MTSS1: variants seen among roughly 807,000 people sequenced by gnomAD.
MTSS1 encodes MTSS I-BAR domain containing 1, also known as protein MTSS 1.
In MTSS1, 18 loss-of-function variants were observed where a neutral mutation model predicts 79.0. The ratio of observed to expected loss-of-function variants is 0.23; its 90% CI spans 0.16 to 0.34. The LOEUF is 0.34. MTSS1 is among the 10% of genes least tolerant of loss of function. The pLI is 1.00. For missense variants in MTSS1, 815 were observed against 986.2 expected, an observed-to-expected ratio of 0.83 and a Z score of 2.33; for synonymous variants, 341 against 368.6, an observed-to-expected ratio of 0.93 and a Z score of 0.86.
intron 2 of MTSS1, among the ~76,000 whole-genome samples, chr8:124,702,304 T>C (rs1023823702): frequency 9.9e-5 from 15 of 152,086 alleles, no homozygotes; most frequent in Non-Finnish European, 1.9e-4. Context: ...ATGGCAGACA[T>C]GGAGGTGGGA....
At chr8:124,609,160 C>T (rs1835343637) in intron 3 of MTSS1, among the ~76,000 whole-genome samples, 1 of 152,216 alleles carries the variant, frequency 6.6e-6, no homozygotes, top group South Asian at 2.1e-4. Context: ...ACGGGATGTC[C>T]TGAGACAGTA....
At chr8:124,661,678 G>C (rs58439099) in intron 3 of MTSS1, among the ~76,000 whole-genome samples, 16,104 of 152,064 alleles carry the variant, frequency 0.11, 2,054 homozygotes, top group African/African-American at 0.31. Context: ...TCAGCCACCC[G>C]CTACAAACAC....
At chr8:124,568,821 C>T (rs1827123752) in intron 6 of MTSS1, 1 of 1,439,950 alleles carries the variant, frequency 6.9e-7, no homozygotes, top group African/African-American at 1.4e-5. Flanking sequence ...CAACCCCCAC[C>T]AACTCTTCTG....
At chr8:124,650,538 C>T (rs1256052968) in intron 3 of MTSS1, among the ~76,000 whole-genome samples, 4 of 152,070 alleles carry the variant, frequency 2.6e-5, no homozygotes, top group Non-Finnish European at 4.4e-5. Context: ...CCCTTCTCTC[C>T]GATCCTTCCA....
At chr8:124,686,886 C>A (rs1422948705) in intron 3 of MTSS1, among the ~76,000 whole-genome samples, 1 of 152,164 alleles carries the variant, frequency 6.6e-6, no homozygotes, top group Non-Finnish European at 1.5e-5. Context: ...TTATGTCTGG[C>A]ACACTTGGTT....
chr8:124,587,705 A>G (rs1394816949), intron 5 of MTSS1, among the ~76,000 whole-genome samples: 1 of 151,972 alleles, frequency 6.6e-6, no homozygotes. Context: ...GGGTTTTGCC[A>G]TGTTGGCCAG....
At position 124,688,436 on chromosome 8, in the gene MTSS1, T is replaced by C. The variant is rs141054810; in HGVS notation, c.208+11090A>G. Among the ~76,000 whole-genome samples, 371 of 152,272 alleles carry C rather than the reference T, an allele frequency of 2.4e-3. 4 individuals are homozygous for C. Among genetic ancestry groups the C allele is most frequent in the South Asian group, 0.024 (116 of 4,824 alleles). On this transcript the variant is annotated intron_variant, in intron 3 of 13. Coordinates refer to ENST00000518547, the MANE Select transcript of MTSS1 (RefSeq NM_014751.6). ...GTACGTATGTGTGCATGTAGATGAA[T>C]TGAAGGCAATGTAAATGAATTGAAG...
At chr8:124,709,147 T>C (rs1830793903) in intron 1 of MTSS1, among the ~76,000 whole-genome samples, 1 of 152,124 alleles carries the variant, frequency 6.6e-6, no homozygotes, top group Non-Finnish European at 1.5e-5. Context: ...AAGTCCTGCC[T>C]TTTGGACAGC....
intron 3 of MTSS1, among the ~76,000 whole-genome samples, chr8:124,665,283 C>T (rs1178364771): frequency 1.3e-5 from 2 of 152,222 alleles, no homozygotes; most frequent in African/African-American, 2.4e-5. Flanking sequence ...ATTCGATAAT[C>T]TGTTCAGTGA....
intron 3 of MTSS1, among the ~76,000 whole-genome samples, chr8:124,606,427 G>A (rs1834895978): frequency 6.6e-6 from 1 of 152,074 alleles, no homozygotes; most frequent in Non-Finnish European, 1.5e-5. Context: ...GGGACTACAG[G>A]CACAAGCCCC....
chr8:124,616,444 C>T (rs11994520), intron 3 of MTSS1, among the ~76,000 whole-genome samples: 35,634 of 151,228 alleles, frequency 0.24, 5,306 homozygotes, highest in African/African-American at 0.42. Context: ...CAGTATGTTC[C>T]GACATCCTGC....
At chr8:124,707,390 TACAAAAAAAAAAACAAACAA>T (rs946911721) in intron 1 of MTSS1, among the ~76,000 whole-genome samples, 1 of 41,644 alleles carries the variant, frequency 2.4e-5, no homozygotes, top group African/African-American at 1.4e-4. Flanking sequence ...CTACTAAAAA[TACAAAAAAAAAAACAAACAA>T]ACAAACAAAC....
chr8:124,723,489 T>C (rs183100746), intron 1 of MTSS1, among the ~76,000 whole-genome samples: 84 of 132,518 alleles, frequency 6.3e-4, no homozygotes, highest in African/African-American at 2.3e-3. Flanking sequence ...GACTAAATAG[T>C]AAAGGGTTTT....
At chr8:124,709,593 T>C (rs1343565564) in intron 1 of MTSS1, among the ~76,000 whole-genome samples, 1 of 152,184 alleles carries the variant, frequency 6.6e-6, no homozygotes, top group Non-Finnish European at 1.5e-5. Flanking sequence ...TCTGGAGCCC[T>C]TGGCAGTGCG....
At chr8:124,654,608 C>T (rs1820603120) in intron 3 of MTSS1, among the ~76,000 whole-genome samples, 1 of 152,146 alleles carries the variant, frequency 6.6e-6, no homozygotes, top group Non-Finnish European at 1.5e-5. Flanking sequence ...ATGCCAAGAA[C>T]ACCAGGAAGT....
At chr8:124,598,397 C>CT (rs1391760430) in intron 3 of MTSS1, among the ~76,000 whole-genome samples, 3 of 152,156 alleles carry the variant, frequency 2.0e-5, no homozygotes, top group African/African-American at 7.2e-5. Flanking sequence ...CAGTAACATC[C>CT]CTCAAGTCAT....
chr8:124,674,134 A>AT (rs1264198627), intron 3 of MTSS1, among the ~76,000 whole-genome samples: 6 of 151,976 alleles, frequency 3.9e-5, no homozygotes, highest in Admixed American at 3.9e-4. Flanking sequence ...ATATTATTTT[A>AT]TTTTTTTATT....
At chr8:124,714,317 A>G (rs1031875923) in intron 1 of MTSS1, among the ~76,000 whole-genome samples, 9 of 152,236 alleles carry the variant, frequency 5.9e-5, no homozygotes, top group Admixed American at 4.6e-4. Flanking sequence ...ACACTTCCCT[A>G]CTAACCATAG....
intron 6 of MTSS1, chr8:124,568,843 C>CGAGGCATTTTAG (rs1188971480): frequency 7.0e-7 from 1 of 1,436,570 alleles, no homozygotes; most frequent in Admixed American, 2.9e-5. Flanking sequence ...CAACACAACC[C>CGAGGCATTTTAG]TGGAACACAG....
Sources: allele counts gnomAD v4.1 joint callset (sites outside exome capture counted in the v4.1 genomes callset), GRCh38; gene constraint gnomAD v4.1.1; transcripts MANE v1.5; gene names NCBI Gene and HGNC (gene_info 2026-07-23, HGNC 2026-07-21).